DCPS: variants seen among roughly 807,000 people sequenced by gnomAD.
DCPS encodes the protein decapping enzyme, scavenger.
DCPS carries 27 observed loss-of-function variants against 34.7 expected under a neutral mutation model. That is an observed-to-expected ratio of 0.78 (90% CI 0.57 to 1.07). The LOEUF (loss-of-function observed/expected upper bound fraction) is 1.07. Ranked by LOEUF, DCPS falls within the 50% of genes least tolerant of loss-of-function variation. The pLI, the probability that DCPS is intolerant of heterozygous loss-of-function variation, is 0.00. For missense variants in DCPS, 464 were observed against 436.9 expected (o/e 1.06, Z -0.55); for synonymous variants, 185 against 185.7 (o/e 1.00, Z 0.03).
intron 1 of DCPS, 145 bp downstream of exon 1, chr11:126,304,426 T>G: frequency 4.5e-6 from 4 of 880,686 alleles, no homozygotes; most frequent in South Asian, 1.7e-5. Context: ...CTAGAATGCA[T>G]AGAGGGGCGG....
In DCPS at chr11:126,306,697, A is replaced by G. The variant is rs375853628; in HGVS notation, c.329A>G (p.Asn110Ser). ...GSPELQLQFS[N>S]DIYSTYHLFP... ...CCTGAGCTCCAGTTGCAGTTCTCCA[A>G]TGATATCTACAGCACCTATCACTTG... Residue 110 changes from asparagine to serine, a missense_variant, in exon 2 of 6, where the codon AAT (asparagine) becomes AGT (serine). Asn to Ser is a conservative substitution (Grantham distance 46). Coordinates refer to ENST00000263579, the MANE Select transcript of DCPS (RefSeq NM_014026.6). The G allele has an allele frequency of 1.1e-5, 18 of 1,613,466 alleles. No individual in the cohort carries two copies. Among genetic ancestry groups the G allele is most frequent in the African/African-American group, 6.7e-5 (5 of 74,904 alleles).
intron 2 of DCPS, among the ~76,000 whole-genome samples, chr11:126,326,706 G>A (rs1951742086): frequency 6.6e-6 from 1 of 152,150 alleles, no homozygotes; most frequent in Non-Finnish European, 1.5e-5. Context: ...TGTGGATCAC[G>A]AAGTCAGGAG....
chr11:126,304,137 G>C lies in DCPS; in HGVS notation c.57G>C (p.Glu19Asp). The C allele has an allele frequency of 6.2e-7, 1 of 1,614,138 alleles. No homozygotes were observed. The highest frequency in any genetic ancestry group is 8.5e-7 in the Non-Finnish European group (1 of 1,180,008). ...GKRKRELDVE[E>D]AHAASTEEKE... ...GGAAGCGCGAATTGGACGTGGAGGAGGCCCACGCCGCCAGCACAGAGGAAA... is the reference window on the plus strand; with the variant it reads ...GGAAGCGCGAATTGGACGTGGAGGACGCCCACGCCGCCAGCACAGAGGAAA... Residue 19 changes from glutamate (E) to aspartate (D), a missense_variant, in exon 1 of 6, where the codon GAG becomes GAC. By Grantham distance (45) the Glu-to-Asp change is conservative (BLOSUM62 2). Coordinates refer to ENST00000263579, the MANE Select transcript of DCPS (RefSeq NM_014026.6).
intron 4 of DCPS, among the ~76,000 whole-genome samples, chr11:126,340,279 T>C (rs888522319): frequency 2.0e-5 from 3 of 152,160 alleles, no homozygotes; most frequent in Non-Finnish European, 4.4e-5. Context: ...CGTCACACTT[T>C]GCTTCATAGC....
chr11:126,326,649 C>T (rs1001384865), intron 2 of DCPS, among the ~76,000 whole-genome samples: 8 of 152,184 alleles, frequency 5.3e-5, no homozygotes, highest in Admixed American at 2.0e-4. Flanking sequence ...CACGGCCGGG[C>T]GCAGTGGCTC....
chr11:126,306,631 C>T lies in DCPS; in HGVS notation c.263C>T (p.Pro88Leu). 1 of 1,613,908 alleles carries T rather than the reference C, an allele frequency of 6.2e-7. No individual in the cohort carries two copies. Among genetic ancestry groups the T allele is most frequent in the Non-Finnish European group, 8.5e-7 (1 of 1,179,892 alleles). Residue 88 changes from proline (P) to leucine (L), a missense_variant, in exon 2 of 6, where the codon CCA (proline) becomes CTA (leucine). Coordinates refer to ENST00000263579, the MANE Select transcript of DCPS (RefSeq NM_014026.6). ...GCCGTTGTGATCCTGGAGAAGACGCCATTTCAGGTGGAACAGGTGGCTCAG... is the reference window on the plus strand; with the variant it reads ...GCCGTTGTGATCCTGGAGAAGACGCTATTTCAGGTGGAACAGGTGGCTCAG... ...EDAVVILEKT[P>L]FQVEQVAQLL...
At chr11:126,339,374 G>T (rs1951859645) in intron 4 of DCPS, among the ~76,000 whole-genome samples, 1 of 152,222 alleles carries the variant, frequency 6.6e-6, no homozygotes, top group South Asian at 2.1e-4. Flanking sequence ...GTGCCTTGGA[G>T]TGAGCCTCGT....
chr11:126,339,303 T>C (rs1376434869), intron 4 of DCPS, among the ~76,000 whole-genome samples: 1 of 152,158 alleles, frequency 6.6e-6, no homozygotes, highest in Non-Finnish European at 1.5e-5. Context: ...GCCGTTCTGC[T>C]TTCGGTGGGC....
rs567361914 is a variant in DCPS, at chr11:126,335,066, C to T, written c.523-3220C>T. Among the ~76,000 whole-genome samples the T allele has an allele frequency of 2.6e-5, 4 of 152,318 alleles. No individual in the cohort carries two copies. Among genetic ancestry groups the T allele is most frequent in the African/African-American group, 9.6e-5 (4 of 41,564 alleles). On this transcript the variant is annotated intron_variant, in intron 3 of 5. Coordinates refer to ENST00000263579, the MANE Select transcript of DCPS (RefSeq NM_014026.6). The surrounding 1 kb of genome is among the most constrained non-coding windows in gnomAD (Gnocchi z 4.8). ...CACAGAATGATGCCAGGATGGCAGC[C>T]ACCATCCCCTACTCTAGGTAACTGT...
rs1412428566 is a variant in DCPS at position 126,345,771 on chromosome 11, TG to T, written c.*161del. The T allele has an allele frequency of 4.4e-6, 5 of 1,138,844 alleles. No homozygotes were observed. In the African/African-American group the frequency reaches 6.3e-5, roughly 14 times the overall value. 70.5% of individuals were successfully genotyped at this position (1,138,844 alleles called of 1,614,324 possible). A position where few individuals can be genotyped will look rare whatever the true frequency, so the allele number is the denominator to read the frequency against. On this transcript the variant is annotated 3_prime_UTR_variant, in exon 6 of 6. Transcript: ENST00000263579. This position sits in a 1 kb window ranked among gnomAD's most constrained non-coding sequence, Gnocchi z 7.4. ...CTCACTCAGTGTGGACAGCGTGGCC[TG>T]GGAGGCAGACAGATGGTGGGGGACA...
At chr11:126,307,438 T>C (rs1038208820) in intron 2 of DCPS, among the ~76,000 whole-genome samples, 2 of 151,444 alleles carry the variant, frequency 1.3e-5, no homozygotes, top group Non-Finnish European at 2.9e-5. Flanking sequence ...TGAGATGGAG[T>C]CTTGCTCTGT....
At chr11:126,307,519 T>A (rs1223549928) in intron 2 of DCPS, among the ~76,000 whole-genome samples, 1 of 151,918 alleles carries the variant, frequency 6.6e-6, no homozygotes, top group African/African-American at 2.4e-5. Flanking sequence ...CAAGCAATTC[T>A]CCTGCCTCAG....
In DCPS at chr11:126,323,298, T is replaced by G. The variant is rs1012012158; in HGVS notation, c.377-8107T>G. Among the ~76,000 whole-genome samples, 4 of 152,242 alleles carry G rather than the reference T, an allele frequency of 2.6e-5. No individual in the cohort carries two copies. The highest frequency in any genetic ancestry group is 5.9e-5 in the Non-Finnish European group (4 of 68,050). ...CAATAGTTACAAGAGACCTTTTTAA[T>G]CCTCTTATCTGGGAAACAATTTTCA... On this transcript the variant is annotated intron_variant, in intron 2 of 5. Coordinates refer to ENST00000263579, the MANE Select transcript of DCPS (RefSeq NM_014026.6). This position sits in a 1 kb window ranked among gnomAD's most constrained non-coding sequence, Gnocchi z 4.4.
chr11:126,330,033 T>A (rs539282867), intron 2 of DCPS, among the ~76,000 whole-genome samples: 1 of 152,164 alleles, frequency 6.6e-6, no homozygotes. Context: ...AGAGTAATGA[T>A]GACAATTGTA....
chr11:126,309,816 T>C (rs1016663698), intron 2 of DCPS, among the ~76,000 whole-genome samples: 1 of 152,184 alleles, frequency 6.6e-6, no homozygotes, highest in Admixed American at 6.5e-5. Flanking sequence ...AGAGTCAATA[T>C]TTTAGGCCTT....
At position 126,325,137 on chromosome 11, in the gene DCPS, A is replaced by G. The variant is rs1435983732; in HGVS notation, c.377-6268A>G. Among the ~76,000 whole-genome samples, 1 of 152,214 alleles carries G rather than the reference A, an allele frequency of 6.6e-6. No homozygotes were observed. Among genetic ancestry groups the G allele is most frequent in the African/African-American group, 2.4e-5 (1 of 41,460 alleles). Reference sequence around the variant, plus strand: ...AGGAGGTGGAGGTTGCAGTGAGCCAAGATCGTGCCATTGCACTCCAGCCTG... The same window carrying G: ...AGGAGGTGGAGGTTGCAGTGAGCCAGGATCGTGCCATTGCACTCCAGCCTG... On this transcript the variant is annotated intron_variant, in intron 2 of 5. Transcript: ENST00000263579. This position sits in a 1 kb window ranked among gnomAD's most constrained non-coding sequence, Gnocchi z 4.3.
chr11:126,340,340 G>T (rs80189359), intron 4 of DCPS, among the ~76,000 whole-genome samples: 43 of 142,640 alleles, frequency 3.0e-4, no homozygotes, highest in Admixed American at 2.0e-3. Context: ...TTTTTTTTTT[G>T]AGACAGAGTC....
intron 2 of DCPS, among the ~76,000 whole-genome samples, chr11:126,324,939 T>G (rs1000432914): frequency 1.3e-5 from 2 of 152,148 alleles, no homozygotes; most frequent in African/African-American, 4.8e-5. Context: ...TCCCAGAATT[T>G]TGGGAGGCCG....
rs1458141399 is a variant in DCPS at position 126,337,493 on chromosome 11, C to T, written c.523-793C>T. On this transcript the variant is annotated intron_variant, in intron 3 of 5. Coordinates refer to ENST00000263579, the MANE Select transcript of DCPS (RefSeq NM_014026.6). The surrounding 1 kb of genome is among the most constrained non-coding windows in gnomAD (Gnocchi z 5.3). The stretch of plus-strand genomic sequence containing the variant: ...CAGGACCATCTCTGTAAAGTAATGT[C>T]CTTGGGTCAACACAGGCCTGGGAAA... 6.6e-6 allele frequency: 1 copy of T among 152,258 alleles called. No individual in the cohort carries two copies. The highest frequency in any genetic ancestry group is 1.5e-5 in the Non-Finnish European group (1 of 68,104). 9.4% of individuals were successfully genotyped at this position (152,258 alleles called of 1,614,324 possible).
Sources: gnomAD v4.1 joint callset for allele counts (sites outside exome capture counted in the v4.1 genomes callset) on GRCh38, gnomAD v4.1.1 for gene constraint, Gnocchi (gnomAD v3.1) non-coding constraint, MANE v1.5 for transcripts, NCBI Gene and HGNC (gene_info 2026-07-23, HGNC 2026-07-21) for gene names.